Variants in OTUD7A observed in about 807,000 individuals in gnomAD.
OTUD7A encodes OTU domain-containing protein 7A.
Under a neutral mutation model 65.7 loss-of-function variants are expected in OTUD7A, and 12 were observed. The ratio of observed to expected loss-of-function variants is 0.18; its 90% confidence interval spans 0.12 to 0.30. The LOEUF (loss-of-function observed/expected upper bound fraction) is 0.30, where lower values mean the gene tolerates loss of function less well. Among genes scored for constraint, OTUD7A ranks in the 10% least tolerant of loss-of-function variants. OTUD7A has a pLI of 1.00. For missense variants in OTUD7A, 1,148 were observed against 1,304.8 expected (o/e 0.88, Z 1.85); for synonymous variants, 641 against 586.3 (o/e 1.09, Z -1.35).
At chr15:31,666,037 T>C (rs1350647953) in intron 1 of OTUD7A, among the ~76,000 whole-genome samples, 1 of 150,416 alleles carries the variant, frequency 6.6e-6, no homozygotes, top group Non-Finnish European at 1.5e-5. Flanking sequence ...TTTTTTTTGA[T>C]ATTTTGTTGG....
At chr15:31,621,465 T>C (rs1389923088) in intron 3 of OTUD7A, among the ~76,000 whole-genome samples, 1 of 152,202 alleles carries the variant, frequency 6.6e-6, no homozygotes, top group Non-Finnish European at 1.5e-5. Context: ...ATTGGGTGCA[T>C]ATATATTTAG....
chr15:31,659,041 G>GAATAAATA (rs199748846), intron 1 of OTUD7A, among the ~76,000 whole-genome samples: 101 of 125,574 alleles, frequency 8.0e-4, no homozygotes, highest in Admixed American at 1.1e-3. Flanking sequence ...ATGAATGAAT[G>GAATAAATA]AATAAATAAA....
At chr15:31,866,069 TTAAC>T (rs1273905636) in intron 1 of OTUD7A, among the ~76,000 whole-genome samples, 6 of 152,256 alleles carry the variant, frequency 3.9e-5, no homozygotes. Flanking sequence ...ACTTATCTAC[TTAAC>T]TAAGAGAGAT....
At chr15:31,699,181 G>A (rs1183347596) in intron 1 of OTUD7A, among the ~76,000 whole-genome samples, 1 of 150,706 alleles carries the variant, frequency 6.6e-6, no homozygotes, top group East Asian at 2.0e-4. Context: ...CTGAGTTCAT[G>A]CCATTCTCCT....
rs1487275403 is a variant in OTUD7A at position 31,592,235 on chromosome 15, T to C, written c.152-22038A>G. ...TTTCTTTCTCAACAATACATTAAAC[T>C]TAGCTTACTTTATTTTATAAATTTT... On this transcript the variant is annotated intron_variant, in intron 3 of 12. Coordinates refer to ENST00000307050, the MANE Select transcript of OTUD7A (RefSeq NM_001382637.1). Among the ~76,000 whole-genome samples the C allele has an allele frequency of 3.3e-5, 5 of 152,190 alleles. No homozygotes were observed. In the East Asian group the frequency reaches 5.8e-4, roughly 18 times the overall value.
chr15:31,783,264 G>C (rs1230778535), intron 1 of OTUD7A, among the ~76,000 whole-genome samples: 1 of 152,216 alleles, frequency 6.6e-6, no homozygotes, highest in East Asian at 1.9e-4. Context: ...GCTGCTGAAG[G>C]AGTGTGGAGG....
chr15:31,736,730 T>C (rs1351809765), intron 1 of OTUD7A, among the ~76,000 whole-genome samples: 2 of 152,004 alleles, frequency 1.3e-5, no homozygotes, highest in Admixed American at 6.6e-5. Context: ...AAAATATAAA[T>C]GTAAAATAAA....
At chr15:31,595,717 G>A (rs1889883761) in intron 3 of OTUD7A, among the ~76,000 whole-genome samples, 3 of 152,372 alleles carry the variant, frequency 2.0e-5, no homozygotes, top group South Asian at 2.1e-4. Context: ...CTGAAGAGGT[G>A]TCAGCAGAGC....
chr15:31,813,622 G>T lies in OTUD7A; in HGVS notation c.-100+56885C>A, dbSNP rs372888043. On this transcript the variant is annotated intron_variant, in intron 1 of 12. Coordinates refer to ENST00000307050, the MANE Select transcript of OTUD7A (RefSeq NM_001382637.1). ...TGTTGCAGGCCTTCTCAGAGCCTTT[G>T]ACATGCTAATGGACATTGTGCATCT... Among the ~76,000 whole-genome samples, 81 of 152,314 alleles carry T rather than the reference G, an allele frequency of 5.3e-4. 1 individual carries two copies. The South Asian group carries it at 8.7e-3, about 16-fold the overall frequency.
At chr15:31,869,771 G>A (rs952842653) in intron 1 of OTUD7A, among the ~76,000 whole-genome samples, 1 of 152,196 alleles carries the variant, frequency 6.6e-6, no homozygotes, top group Non-Finnish European at 1.5e-5. Flanking sequence ...CCGGGAGGGA[G>A]GAGGGTACAC....
At chr15:31,765,135 A>G (rs1895064069) in intron 1 of OTUD7A, among the ~76,000 whole-genome samples, 1 of 152,156 alleles carries the variant, frequency 6.6e-6, no homozygotes, top group Non-Finnish European at 1.5e-5. Flanking sequence ...AGAATTCAAA[A>G]TATATATATT....
intron 3 of OTUD7A, among the ~76,000 whole-genome samples, chr15:31,592,904 A>AAAAAATAT (rs1416029921): frequency 3.0e-4 from 18 of 59,380 alleles, no homozygotes; most frequent in African/African-American, 7.2e-4. Flanking sequence ...AAAAAAAAAA[A>AAAAAATAT]ATATATATAT....
chr15:31,831,045 A>T (rs1481931892), intron 1 of OTUD7A, among the ~76,000 whole-genome samples: 2 of 152,244 alleles, frequency 1.3e-5, no homozygotes, highest in South Asian at 2.1e-4. Context: ...AGGCACCACT[A>T]TAATTCGTCA....
intron 10 of OTUD7A, among the ~76,000 whole-genome samples, chr15:31,497,731 G>T (rs1203064794): frequency 6.6e-6 from 1 of 152,112 alleles, no homozygotes; most frequent in African/African-American, 2.4e-5. Context: ...TTCTCTTGGA[G>T]ATGCCACTCT....
chr15:31,755,137 GA>G (rs1397170590), intron 1 of OTUD7A, among the ~76,000 whole-genome samples: 1 of 151,776 alleles, frequency 6.6e-6, no homozygotes, highest in African/African-American at 2.4e-5. Flanking sequence ...GGGAAGGTGG[GA>G]AGAGGGGAAG....
At position 31,796,175 on chromosome 15, in the gene OTUD7A, A is replaced by G. The variant is rs62002714; in HGVS notation, c.-100+74332T>C. ...TGTGTGTGTGTGTGTGTATCTATGT[A>G]TGTATCTATGCATTATCTATCTATC... On this transcript the variant is annotated intron_variant, in intron 1 of 12. Coordinates refer to ENST00000307050, the MANE Select transcript of OTUD7A (RefSeq NM_001382637.1). Among the ~76,000 whole-genome samples the G allele has an allele frequency of 2.8e-3, 303 of 108,770 alleles. 2 individuals carry two copies. Among genetic ancestry groups the G allele is most frequent in the African/African-American group, 8.6e-3 (261 of 30,438 alleles). The allele number at this position is 108,770 out of a possible 152,430, so 71.4% of individuals were successfully genotyped here.
chr15:31,672,496 C>A (rs555294028), intron 1 of OTUD7A, among the ~76,000 whole-genome samples: 1 of 152,304 alleles, frequency 6.6e-6, no homozygotes, highest in Middle Eastern at 3.4e-3. Context: ...TTACATTGAT[C>A]GTGCTTACTG....
rs1328230217 is a variant in OTUD7A, at chr15:31,477,200, GA to G, written c.*6093del. On this transcript the variant is annotated 3_prime_UTR_variant, in exon 13 of 13. Coordinates refer to ENST00000307050, the MANE Select transcript of OTUD7A (RefSeq NM_001382637.1). ...CTCTGCAGCCTTGCTTTGGTGGCTG[GA>G]GGATGAGTCCTTCTAATGGTCAGGT... 8 of 152,348 alleles carry G rather than the reference GA, an allele frequency of 5.3e-5. No individual in the cohort carries two copies. Among genetic ancestry groups the G allele is most frequent in the African/African-American group, 1.9e-4 (8 of 41,468 alleles). 9.4% of individuals were successfully genotyped at this position (152,348 alleles called of 1,614,324 possible). A position where few individuals can be genotyped will look rare whatever the true frequency, so the allele number is the denominator to read the frequency against.
chr15:31,830,782 T>C (rs981153335), intron 1 of OTUD7A, among the ~76,000 whole-genome samples: 1 of 152,216 alleles, frequency 6.6e-6, no homozygotes, highest in Non-Finnish European at 1.5e-5. Context: ...ATTGTCAGAA[T>C]TTTCTTAGTC....
Sources: gnomAD v4.1 joint callset for allele counts (sites outside exome capture counted in the v4.1 genomes callset) on GRCh38, gnomAD v4.1.1 for gene constraint, MANE v1.5 for transcripts, NCBI Gene and HGNC (gene_info 2026-07-23, HGNC 2026-07-21) for gene names.